The following FMNL2 variants were observed in gnomAD, a reference collection of about 807,000 sequenced individuals.
The protein encoded by FMNL2 is formin like 2.
FMNL2 carries 51 observed loss-of-function variants against 130.2 expected under a neutral mutation model. That is an observed-to-expected ratio of 0.39 (90% CI 0.31 to 0.49). The LOEUF (loss-of-function observed/expected upper bound fraction) is 0.49, where lower values mean the gene tolerates loss of function less well. FMNL2 is among the 20% of genes least tolerant of loss of function. FMNL2 has a pLI of 0.85. For missense variants in FMNL2, 977 were observed against 1,316.2 expected (o/e 0.74, Z 3.99); for synonymous variants, 465 against 467.1 (o/e 1.00, Z 0.06).
At position 152,646,851 on chromosome 2, in the gene FMNL2, G is replaced by A. The variant is rs531139909; in HGVS notation, c.3170-945G>A. Among the ~76,000 whole-genome samples the A allele has an allele frequency of 4.6e-5, 7 of 152,286 alleles. No homozygotes were observed. The East Asian group carries it at 1.4e-3, about 29-fold the overall frequency. On this transcript the variant is annotated intron_variant, in intron 25 of 25. Transcript: ENST00000288670. The stretch of plus-strand genomic sequence containing the variant: ...TTCACTATGCCCTGACTTCATCAAA[G>A]GGAGGCTGCATAGCCTAGCCTGCTG...
intron 2 of FMNL2, among the ~76,000 whole-genome samples, chr2:152,538,311 ACT>A (rs1311211337): frequency 6.6e-6 from 1 of 151,040 alleles, no homozygotes; most frequent in African/African-American, 2.4e-5. Context: ...TGAGATGGAG[ACT>A]CTGTCGCCCA....
chr2:152,594,019 A>G (rs181017497), intron 9 of FMNL2, among the ~76,000 whole-genome samples: 6 of 152,198 alleles, frequency 3.9e-5, no homozygotes, highest in Admixed American at 3.9e-4. Context: ...GAGTGAAGAG[A>G]CAAGGTTAGA....
At chr2:152,390,504 A>G (rs1685052031) in intron 1 of FMNL2, 1 of 1,544,980 alleles carries the variant, frequency 6.5e-7, no homozygotes, top group Non-Finnish European at 8.9e-7. Context: ...CATGGTGGAA[A>G]AGATGATGTA....
At chr2:152,593,894 TGTGTGTGTGAGAGA>T (rs1335712677) in intron 9 of FMNL2, among the ~76,000 whole-genome samples, 59 of 112,118 alleles carry the variant, frequency 5.3e-4, no homozygotes, top group African/African-American at 1.8e-3. Flanking sequence ...TGTGTGTGTG[TGTGTGTGTGAGAGA>T]GAGAGAGAGA....
At chr2:152,335,748 G>T in intron 1 of FMNL2, 28 bp downstream of exon 1, 1 of 1,528,780 alleles carries the variant, frequency 6.5e-7, no homozygotes. Flanking sequence ...GTCGGGCGCG[G>T]GGACCCGGGG....
At chr2:152,406,442 A>T (rs4664579) in intron 1 of FMNL2, among the ~76,000 whole-genome samples, 55,553 of 151,982 alleles carry the variant, frequency 0.37, 10,778 homozygotes, top group African/African-American at 0.46. Context: ...GTGGGAGCTA[A>T]GGCCCATTAT....
At chr2:152,603,639 G>T (rs1451624354) in intron 9 of FMNL2, among the ~76,000 whole-genome samples, 2 of 150,810 alleles carry the variant, frequency 1.3e-5, no homozygotes, top group Non-Finnish European at 3.0e-5. Context: ...TAAAGTAACA[G>T]GCTATGAGTA....
intron 2 of FMNL2, among the ~76,000 whole-genome samples, chr2:152,531,563 C>G (rs935184072): frequency 6.6e-6 from 1 of 152,076 alleles, no homozygotes; most frequent in Non-Finnish European, 1.5e-5. Context: ...CAACCTCCCC[C>G]TCCCAGGTTC....
intron 13 of FMNL2, 101 bp downstream of exon 13, chr2:152,617,293 T>C (rs767909104): frequency 8.0e-6 from 8 of 1,002,144 alleles, no homozygotes; most frequent in Admixed American, 4.8e-5. Context: ...GAGGAATGCA[T>C]TGATGCAGCA....
chr2:152,335,657 C>A lies in FMNL2; in HGVS notation c.54C>A (p.Asn18Lys). ...DSQQTDFRAH[N>K]VPLKLPMPEP... ...AGCAGACCGATTTCAGGGCGCACAACGTGCCTTTGAAGCTGCCGATGCCAG... is the reference window on the plus strand; with the variant it reads ...AGCAGACCGATTTCAGGGCGCACAAAGTGCCTTTGAAGCTGCCGATGCCAG... Residue 18 changes from asparagine (N) to lysine (K), a missense_variant, in exon 1 of 26, where the codon AAC becomes AAA. This residue lies in a region of FMNL2 where 117 missense variants were observed against 134.9 expected (regional missense o/e 0.87). Coordinates refer to ENST00000288670, the MANE Select transcript of FMNL2 (RefSeq NM_052905.4). 1 of 1,594,288 alleles carries A rather than the reference C, an allele frequency of 6.3e-7. No individual in the cohort carries two copies. Among genetic ancestry groups the A allele is most frequent in the Non-Finnish European group, 8.5e-7 (1 of 1,170,242 alleles).
At chr2:152,400,976 C>G (rs913881360) in intron 1 of FMNL2, among the ~76,000 whole-genome samples, 20 of 152,194 alleles carry the variant, frequency 1.3e-4, no homozygotes, top group Non-Finnish European at 1.8e-4. Context: ...AAGGGTTGAA[C>G]CTTCATTTGG....
At chr2:152,631,946 A>G in intron 20 of FMNL2, 62 bp from the exon 21 acceptor site, 2 of 1,537,482 alleles carry the variant, frequency 1.3e-6, no homozygotes, top group Non-Finnish European at 1.7e-6. Context: ...TCGTCACCTG[A>G]GGGGTAAGTG....
intron 6 of FMNL2, among the ~76,000 whole-genome samples, chr2:152,573,140 A>G (rs1696273416): frequency 6.6e-6 from 1 of 152,264 alleles, no homozygotes; most frequent in Non-Finnish European, 1.5e-5. Flanking sequence ...TGTCATATAT[A>G]GAATAAAGAT....
At chr2:152,389,853 C>T in intron 1 of FMNL2, 4 of 1,081,184 alleles carry the variant, frequency 3.7e-6, no homozygotes, top group Non-Finnish European at 5.7e-6. Context: ...TACAGACTTT[C>T]AGCCACGACA....
intron 1 of FMNL2, among the ~76,000 whole-genome samples, chr2:152,467,038 A>T (rs1689585632): frequency 6.6e-6 from 1 of 152,152 alleles, no homozygotes; most frequent in Non-Finnish European, 1.5e-5. Context: ...TGAGTGAGGT[A>T]CAGCTACTCC....
intron 9 of FMNL2, among the ~76,000 whole-genome samples, chr2:152,589,973 A>ATGTATGTATATGTATG (rs1203697238): frequency 5.1e-5 from 2 of 39,434 alleles, no homozygotes; most frequent in Non-Finnish European, 1.2e-4. Context: ...ATATATATAT[A>ATGTATGTATATGTATG]TATATATATA....
intron 1 of FMNL2, among the ~76,000 whole-genome samples, chr2:152,503,152 G>A (rs776639236): frequency 2.4e-4 from 37 of 152,208 alleles, no homozygotes; most frequent in Admixed American, 2.6e-4. Flanking sequence ...CACGATAGGC[G>A]TAGGGACCAC....
chr2:152,356,950 A>AG (rs1244697218), intron 1 of FMNL2, among the ~76,000 whole-genome samples: 4 of 149,268 alleles, frequency 2.7e-5, no homozygotes, highest in South Asian at 2.1e-4. Context: ...ATATTAAGTA[A>AG]TATATATAAC....
chr2:152,543,840 C>T (rs533203276), intron 3 of FMNL2, among the ~76,000 whole-genome samples: 5 of 147,440 alleles, frequency 3.4e-5, no homozygotes, highest in African/African-American at 1.2e-4. Flanking sequence ...GAAATAAAAT[C>T]TAGTAGTGAT....
Sources: allele counts gnomAD v4.1 joint callset (sites outside exome capture counted in the v4.1 genomes callset), GRCh38; gene constraint gnomAD v4.1.1; regional missense constraint gnomAD v4.1.1; transcripts MANE v1.5; gene names NCBI Gene and HGNC (gene_info 2026-07-23, HGNC 2026-07-21).